METTL4: variants seen among roughly 807,000 people sequenced by gnomAD.
The protein encoded by METTL4 is N(6)-adenine-specific methyltransferase METTL4.
In METTL4, 40 loss-of-function variants were observed where a neutral mutation model predicts 54.0. The ratio of observed to expected loss-of-function variants is 0.74; its 90% CI spans 0.58 to 0.96. The LOEUF is 0.96. Ranked by LOEUF, METTL4 falls within the 50% of genes least tolerant of loss-of-function variation. The pLI, the probability that METTL4 is intolerant of heterozygous loss-of-function variation, is 0.00. For missense variants in METTL4, 525 were observed against 549.0 expected (o/e 0.96, Z 0.44); for synonymous variants, 169 against 183.8 (o/e 0.92, Z 0.65).
intron 3 of METTL4, chr18:2,561,782 T>C (rs2072322630): frequency 1.3e-5 from 2 of 152,338 alleles, no homozygotes; most frequent in African/African-American, 2.4e-5. Flanking sequence ...AGAATATACA[T>C]GAATTCAAGA....
intron 2 of METTL4, among the ~76,000 whole-genome samples, chr18:2,565,146 G>A (rs973568716): frequency 6.6e-6 from 1 of 152,100 alleles, no homozygotes; most frequent in African/African-American, 2.4e-5. Flanking sequence ...GGGTATGGTG[G>A]TGGACACACA....
At chr18:2,550,872 GATATT>G (rs1567964444) in intron 5 of METTL4, among the ~76,000 whole-genome samples, 1 of 151,928 alleles carries the variant, frequency 6.6e-6, no homozygotes, top group African/African-American at 2.4e-5. Context: ...AATCAATAAG[GATATT>G]ATATCAGCCG....
At chr18:2,566,470 T>C (rs1055646065) in intron 2 of METTL4, among the ~76,000 whole-genome samples, 1 of 150,240 alleles carries the variant, frequency 6.7e-6, no homozygotes, top group Non-Finnish European at 1.5e-5. Context: ...AAAACAGTTG[T>C]AAACATATTC....
chr18:2,557,978 C>T (rs545987534), intron 3 of METTL4, among the ~76,000 whole-genome samples: 1 of 152,110 alleles, frequency 6.6e-6, no homozygotes, highest in Admixed American at 6.5e-5. Context: ...TATTCTAAAC[C>T]AACCCAAAAA....
At chr18:2,552,300 A>T (rs2072174206) in intron 5 of METTL4, among the ~76,000 whole-genome samples, 1 of 152,232 alleles carries the variant, frequency 6.6e-6, no homozygotes, top group Admixed American at 6.5e-5. Flanking sequence ...AAGAAGTAAC[A>T]TAAACTAAAA....
chr18:2,551,579 C>T (rs1225682229), intron 5 of METTL4, among the ~76,000 whole-genome samples: 1 of 152,036 alleles, frequency 6.6e-6, no homozygotes, highest in African/African-American at 2.4e-5. Context: ...CACCTGTAGT[C>T]CCAGCTACTC....
At chr18:2,562,260 C>A (rs1225165260) in intron 3 of METTL4, 3 of 152,440 alleles carry the variant, frequency 2.0e-5, no homozygotes, top group African/African-American at 7.2e-5. Flanking sequence ...GTAGTCCCAT[C>A]TACTCAGGAG....
At chr18:2,566,046 C>A (rs1598357465) in intron 2 of METTL4, among the ~76,000 whole-genome samples, 3 of 82,872 alleles carry the variant, frequency 3.6e-5, no homozygotes, top group Admixed American at 2.0e-4. Context: ...GACTCTGTCT[C>A]AAATAAATAA....
intron 5 of METTL4, among the ~76,000 whole-genome samples, chr18:2,548,911 A>G (rs1483555643): frequency 6.6e-6 from 1 of 152,214 alleles, no homozygotes. Flanking sequence ...GTATAGGGAA[A>G]ATCAGATGAA....
rs374612975 is a variant in METTL4 at position 2,558,732 on chromosome 18, TA to T, written c.460-3695del. On this transcript the variant is annotated intron_variant, in intron 3 of 8. Transcript: ENST00000574538. ...GAATATTTGTAAATCATATATCTGA[TA>T]GGGGGTTAATATCCAGAATATACAA... Among the ~76,000 whole-genome samples the T allele has an allele frequency of 1.8e-4, 28 of 151,930 alleles. 2 individuals are homozygous for T. The East Asian group carries it at 2.5e-3, about 14-fold the overall frequency.
intron 5 of METTL4, among the ~76,000 whole-genome samples, chr18:2,549,083 T>C (rs2072114184): frequency 1.3e-5 from 2 of 152,158 alleles, no homozygotes; most frequent in African/African-American, 2.4e-5. Flanking sequence ...AGTTAACTCA[T>C]ACATCAGTAA....
chr18:2,563,996 A>C, intron 2 of METTL4, 137 bp from the exon 3 acceptor site: 1 of 558,274 alleles, frequency 1.8e-6, no homozygotes, highest in Non-Finnish European at 3.1e-6. Context: ...CTGAGGTCAA[A>C]ATCAATGCAA....
At chr18:2,560,921 T>G (rs963764046) in intron 3 of METTL4, among the ~76,000 whole-genome samples, 9 of 152,052 alleles carry the variant, frequency 5.9e-5, no homozygotes, top group African/African-American at 1.9e-4. Context: ...AGTAACATCA[T>G]GATCATTTGG....
intron 8 of METTL4, among the ~76,000 whole-genome samples, chr18:2,541,662 C>G (rs781332077): frequency 2.0e-5 from 3 of 151,816 alleles, no homozygotes; most frequent in Admixed American, 6.6e-5. Flanking sequence ...AATTTCAAAA[C>G]TTATGCAAAT....
chr18:2,544,313 C>T (rs757395528), intron 7 of METTL4, 27 bp from the exon 8 acceptor site: 2 of 1,547,934 alleles, frequency 1.3e-6, no homozygotes, highest in Middle Eastern at 1.7e-4. Flanking sequence ...AGAAAGTAAA[C>T]TATATTTTAA....
chr18:2,549,275 C>A (rs193006866), intron 5 of METTL4, among the ~76,000 whole-genome samples: 69 of 152,292 alleles, frequency 4.5e-4, no homozygotes, highest in Non-Finnish European at 8.1e-4. Context: ...TACCAATTAT[C>A]CCCTCCTTCT....
chr18:2,548,331 C>G (rs2072102779), intron 5 of METTL4, among the ~76,000 whole-genome samples: 1 of 151,232 alleles, frequency 6.6e-6, no homozygotes, highest in South Asian at 2.1e-4. Flanking sequence ...TCTCCTGGCT[C>G]CCCCATTGCT....
chr18:2,569,407 C>T (rs2072468633), intron 1 of METTL4, among the ~76,000 whole-genome samples: 1 of 152,134 alleles, frequency 6.6e-6, no homozygotes. Flanking sequence ...ACATCTAATT[C>T]AACTGTGGAA....
chr18:2,555,326 T>C (rs1029861322), intron 3 of METTL4: 11 of 345,034 alleles, frequency 3.2e-5, no homozygotes, highest in Non-Finnish European at 5.3e-5. Flanking sequence ...TGAATGTTTC[T>C]AGAAGAAAAT....
Sources: gnomAD v4.1 joint callset for allele counts (sites outside exome capture counted in the v4.1 genomes callset) on GRCh38, gnomAD v4.1.1 for gene constraint, MANE v1.5 for transcripts, NCBI Gene and HGNC (gene_info 2026-07-23, HGNC 2026-07-21) for gene names.